Variants in CPNE8 observed in about 807,000 individuals in gnomAD.
CPNE8 encodes the protein copine-8.
CPNE8 carries 45 observed loss-of-function variants against 81.5 expected under a neutral mutation model. The observed-to-expected ratio is 0.55, with a 90% CI of 0.44 to 0.71. CPNE8 has a LOEUF of 0.71. CPNE8 is among the 30% of genes least tolerant of loss of function. The pLI, the probability that CPNE8 is intolerant of heterozygous loss-of-function variation, is 0.00. For missense variants in CPNE8, 594 were observed against 672.1 expected (o/e 0.88, Z 1.28); for synonymous variants, 252 against 226.3 (o/e 1.11, Z -1.02).
At chr12:38,796,320 CA>C (rs1414000549) in intron 6 of CPNE8, among the ~76,000 whole-genome samples, 1 of 151,594 alleles carries the variant, frequency 6.6e-6, no homozygotes. Flanking sequence ...ATCTTGAACT[CA>C]AAAGGAAAAG....
At chr12:38,716,747 A>G (rs931402174) in intron 13 of CPNE8, among the ~76,000 whole-genome samples, 1 of 152,164 alleles carries the variant, frequency 6.6e-6, no homozygotes, top group Admixed American at 6.5e-5. Flanking sequence ...TTCATGACTA[A>G]GAACCCAAAA....
chr12:38,654,193 G>A (rs540634511), intron 19 of CPNE8, 123 bp from the exon 20 acceptor site: 2 of 1,241,566 alleles, frequency 1.6e-6, no homozygotes, highest in South Asian at 3.9e-5. Context: ...GTAATGGAGA[G>A]ATGGATAACA....
intron 15 of CPNE8, among the ~76,000 whole-genome samples, chr12:38,688,411 G>A (rs998407861): frequency 2.0e-5 from 3 of 151,994 alleles, no homozygotes; most frequent in African/African-American, 7.3e-5. Context: ...GATTATATCA[G>A]GATTATTTAA....
chr12:38,863,137 TA>T (rs1361516043), intron 3 of CPNE8, among the ~76,000 whole-genome samples: 1 of 151,848 alleles, frequency 6.6e-6, no homozygotes, highest in East Asian at 1.9e-4. Flanking sequence ...TATACGAAGG[TA>T]AAAAAGGGAC....
intron 6 of CPNE8, among the ~76,000 whole-genome samples, chr12:38,794,566 A>C (rs1942408877): frequency 6.6e-6 from 1 of 152,068 alleles, no homozygotes; most frequent in Non-Finnish European, 1.5e-5. Context: ...AACATGACTA[A>C]TCATTAAGAA....
At chr12:38,883,936 T>C (rs1944200899) in intron 1 of CPNE8, among the ~76,000 whole-genome samples, 1 of 152,218 alleles carries the variant, frequency 6.6e-6, no homozygotes, top group Non-Finnish European at 1.5e-5. Context: ...TCCCTAGGCC[T>C]ACGGCACCAC....
intron 1 of CPNE8, among the ~76,000 whole-genome samples, chr12:38,879,286 G>C (rs951035739): frequency 6.6e-6 from 1 of 151,922 alleles, no homozygotes; most frequent in Non-Finnish European, 1.5e-5. Flanking sequence ...AGCCCAGTAG[G>C]GACCCTGGCT....
chr12:38,799,779 G>A (rs1942608723), intron 6 of CPNE8, among the ~76,000 whole-genome samples: 1 of 142,422 alleles, frequency 7.0e-6, no homozygotes, highest in South Asian at 2.3e-4. Context: ...CCAGACAGTG[G>A]GCGCAGGCCA....
At chr12:38,699,462 C>A (rs1384893043) in intron 14 of CPNE8, among the ~76,000 whole-genome samples, 1 of 152,200 alleles carries the variant, frequency 6.6e-6, no homozygotes, top group Non-Finnish European at 1.5e-5. Context: ...TAACTCTGTT[C>A]TCTACTTTGC....
At chr12:38,792,127 C>A (rs1278106257) in intron 6 of CPNE8, among the ~76,000 whole-genome samples, 2 of 150,484 alleles carry the variant, frequency 1.3e-5, no homozygotes. Context: ...TATATATTTA[C>A]AAAAAGAAAG....
At chr12:38,876,615 CA>C (rs1431020250) in intron 1 of CPNE8, among the ~76,000 whole-genome samples, 2 of 152,004 alleles carry the variant, frequency 1.3e-5, no homozygotes, top group East Asian at 1.9e-4. Context: ...AACAAGCCAA[CA>C]AAAAACCCTT....
chr12:38,894,293 T>TA (rs1317453766), intron 1 of CPNE8, among the ~76,000 whole-genome samples: 1 of 152,154 alleles, frequency 6.6e-6, no homozygotes, highest in African/African-American at 2.4e-5. Flanking sequence ...TGTCTTAAGT[T>TA]AAAAAATCAA....
At chr12:38,873,917 G>C (rs146634084) in intron 2 of CPNE8, among the ~76,000 whole-genome samples, 2,385 of 151,594 alleles carry the variant, frequency 0.016, 57 homozygotes, top group African/African-American at 0.054. Flanking sequence ...ATTTCACTTG[G>C]TTGTAAATTG....
intron 14 of CPNE8, among the ~76,000 whole-genome samples, chr12:38,700,622 T>C (rs1052340908): frequency 6.6e-6 from 1 of 152,104 alleles, no homozygotes; most frequent in East Asian, 1.9e-4. Context: ...GAGATGATCA[T>C]GTGGTTTCTG....
At chr12:38,727,700 C>G (rs952366770) in intron 11 of CPNE8, among the ~76,000 whole-genome samples, 1 of 151,898 alleles carries the variant, frequency 6.6e-6, no homozygotes, top group African/African-American at 2.4e-5. Context: ...ATGATATAAT[C>G]TGAGGCAAGT....
chr12:38,816,014 GTCTA>G (rs913253390), intron 6 of CPNE8, among the ~76,000 whole-genome samples: 13 of 152,146 alleles, frequency 8.5e-5, no homozygotes, highest in African/African-American at 1.4e-4. Context: ...GATAACTTAG[GTCTA>G]TCTATCTATC....
intron 3 of CPNE8, among the ~76,000 whole-genome samples, chr12:38,855,891 T>C (rs1439823563): frequency 6.6e-6 from 1 of 150,982 alleles, no homozygotes; most frequent in Admixed American, 6.6e-5. Context: ...TAAAATTCAA[T>C]GAAACAACTG....
intron 16 of CPNE8, 36 bp from the exon 17 acceptor site, chr12:38,677,590 GTTTTCTA>G: frequency 1.7e-6 from 2 of 1,188,558 alleles, no homozygotes; most frequent in Non-Finnish European, 2.5e-6. Flanking sequence ...AAGTAAAACA[GTTTTCTA>G]TATGTGATGG....
Position 38,653,127 on chromosome 12 carries a change from C to CT in CPNE8, c.*754dup, listed in dbSNP as rs1938736451. ...TGCATTTATAGATCACAATGTTTGACTTTTTATAATTTCTACTTAGTGTTA... is the reference window on the plus strand; with the variant it reads ...TGCATTTATAGATCACAATGTTTGACTTTTTTATAATTTCTACTTAGTGTTA... On this transcript the variant is annotated 3_prime_UTR_variant, in exon 20 of 20. Coordinates refer to ENST00000331366, the MANE Select transcript of CPNE8 (RefSeq NM_153634.3). The CT allele has an allele frequency of 1.3e-5, 2 of 152,286 alleles. No homozygotes were observed. Among genetic ancestry groups the CT allele is most frequent in the Admixed American group, 6.5e-5 (1 of 15,270 alleles). 9.4% of individuals were successfully genotyped at this position (152,286 alleles called of 1,614,324 possible).
Sources: gnomAD v4.1 joint callset for allele counts (sites outside exome capture counted in the v4.1 genomes callset) on GRCh38, gnomAD v4.1.1 for gene constraint, MANE v1.5 for transcripts, NCBI Gene and HGNC (gene_info 2026-07-23, HGNC 2026-07-21) for gene names.